Variants in UNC80 observed in about 807,000 individuals in gnomAD.
UNC80 encodes protein unc-80 homolog.
A neutral mutation model predicts 384.6 loss-of-function variants in UNC80; 164 were observed. The ratio of observed to expected loss-of-function variants is 0.43; its 90% CI spans 0.38 to 0.49. The LOEUF (loss-of-function observed/expected upper bound fraction) is 0.49. UNC80 is among the 20% of genes least tolerant of loss of function. The pLI, the probability that UNC80 is intolerant of heterozygous loss-of-function variation, is 0.00. For synonymous variants in UNC80, 1,486 were observed against 1,527.8 expected (o/e 0.97, Z 0.64); for missense variants, 3,330 against 4,143.0 (o/e 0.80, Z 5.39).
rs374284064 is a variant in UNC80 at position 209,878,130 on chromosome 2, G to C, written c.3976+41G>C. The C allele has an allele frequency of 7.8e-5, 116 of 1,483,982 alleles. No homozygotes were observed. The South Asian group carries it at 1.2e-3, about 15-fold the overall frequency. The allele number at this position is 1,483,982 out of a possible 1,614,324, so 91.9% of individuals were successfully genotyped here. On this transcript the variant is annotated intron_variant, in intron 24 of 64. Coordinates refer to ENST00000673920, the MANE Select transcript of UNC80 (RefSeq NM_001371986.1). ...TTACTACAAGAACCCCTGCTTGTAAGAACCTCTGCTTTAGGAGCACTTAAT... is the reference window on the plus strand; with the variant it reads ...TTACTACAAGAACCCCTGCTTGTAACAACCTCTGCTTTAGGAGCACTTAAT...
At chr2:209,878,169 C>G (rs1182719060) in intron 24 of UNC80, 80 bp downstream of exon 24, 1 of 1,343,108 alleles carries the variant, frequency 7.4e-7, no homozygotes, top group Non-Finnish European at 9.7e-7. Context: ...TCTCTTTTCT[C>G]CTTCATATTC....
rs1038614061 is a variant in UNC80, at chr2:209,996,210, T to C, written c.*615T>C. On this transcript the variant is annotated 3_prime_UTR_variant, in exon 65 of 65. Transcript: ENST00000673920. ...CTTTTAGATATTTATTTTTCAACTA[T>C]CATTTTCATTGCATGTTGTAAATCA... The C allele has an allele frequency of 2.0e-5, 3 of 152,256 alleles. No individual in the cohort carries two copies. The highest frequency in any genetic ancestry group is 7.2e-5 in the African/African-American group (3 of 41,464). 9.4% of individuals were successfully genotyped at this position (152,256 alleles called of 1,614,324 possible). A position where few individuals can be genotyped will look rare whatever the true frequency, so the allele number is the denominator to read the frequency against.
rs140245509 is a variant in UNC80, at chr2:209,930,592, A to T, written c.5908-376A>T. Among the ~76,000 whole-genome samples, 438 of 152,306 alleles carry T rather than the reference A, an allele frequency of 2.9e-3. 1 individual carries two copies. Among genetic ancestry groups the T allele is most frequent in the African/African-American group, 0.01 (420 of 41,574 alleles). The stretch of plus-strand genomic sequence containing the variant: ...ACATTCACAAAAACATGGTTTGTTT[A>T]ATGATTTTTCAACATAGGTCCTCCT... On this transcript the variant is annotated intron_variant, in intron 37 of 64. Transcript: ENST00000673920.
At chr2:209,993,997 A>G (rs1403344538) in intron 63 of UNC80, 68 bp from the exon 64 acceptor site, 10 of 1,354,006 alleles carry the variant, frequency 7.4e-6, no homozygotes, top group South Asian at 1.5e-5. Flanking sequence ...GTTAATACCA[A>G]CTATTAAGCA....
At chr2:209,777,632 A>T (rs1057419478) in intron 4 of UNC80, 73 bp downstream of exon 4, 54 of 1,487,616 alleles carry the variant, frequency 3.6e-5, no homozygotes, top group Admixed American at 4.4e-5. Flanking sequence ...TGATATTTCC[A>T]TATTTGGTTG....
intron 7 of UNC80, among the ~76,000 whole-genome samples, chr2:209,807,580 G>C (rs1054797819): frequency 1.3e-5 from 2 of 151,850 alleles, no homozygotes; most frequent in African/African-American, 4.8e-5. Context: ...AGCCAGGATG[G>C]TCTCGATCTC....
At chr2:209,888,393 T>A in intron 26 of UNC80, 133 bp downstream of exon 26, 1 of 982,060 alleles carries the variant, frequency 1.0e-6, no homozygotes, top group Non-Finnish European at 1.5e-6. Context: ...GTAGGCTTTA[T>A]GATGGAAAAT....
intron 39 of UNC80, 89 bp downstream of exon 39, chr2:209,934,094 GA>G: frequency 7.6e-7 from 1 of 1,316,512 alleles, no homozygotes; most frequent in Non-Finnish European, 1.0e-6. Flanking sequence ...TCATTCATGA[GA>G]AAATTTTCAG....
At chr2:209,939,355 C>T in intron 42 of UNC80, 117 bp from the exon 43 acceptor site, 1 of 1,100,438 alleles carries the variant, frequency 9.1e-7, no homozygotes, top group African/African-American at 1.6e-5. Context: ...ACTTTTTCCC[C>T]TTTTCCGACT....
intron 8 of UNC80, among the ~76,000 whole-genome samples, chr2:209,814,110 G>T (rs2079556544): frequency 6.6e-6 from 1 of 152,100 alleles, no homozygotes; most frequent in African/African-American, 2.4e-5. Context: ...GGGTCTTCTG[G>T]ATAATCAAAG....
chr2:209,880,536 A>G (rs2085195471), intron 24 of UNC80, among the ~76,000 whole-genome samples: 1 of 152,236 alleles, frequency 6.6e-6, no homozygotes, highest in Non-Finnish European at 1.5e-5. Flanking sequence ...GTTCACTGCC[A>G]TATACATAGT....
chr2:209,918,220 G>A (rs1457448989), intron 32 of UNC80, among the ~76,000 whole-genome samples: 2 of 152,024 alleles, frequency 1.3e-5, no homozygotes, highest in African/African-American at 4.8e-5. Context: ...GAAAGTCTGG[G>A]GAATTATCTT....
At chr2:209,981,260 T>C (rs2093150191) in intron 59 of UNC80, among the ~76,000 whole-genome samples, 1 of 152,256 alleles carries the variant, frequency 6.6e-6, no homozygotes, top group Non-Finnish European at 1.5e-5. Flanking sequence ...TAAAGTTAAT[T>C]TTCATATGAA....
rs1309251857 is a variant in UNC80 at position 209,941,509 on chromosome 2, C to T, written c.6915+20C>T. The stretch of plus-strand genomic sequence containing the variant: ...CTGCAGGTGCCCAGAACCTCCTCTC[C>T]CAACCAGAAAATTAACATGAGTACT... On this transcript the variant is annotated intron_variant, in intron 44 of 64. Coordinates refer to ENST00000673920, the MANE Select transcript of UNC80 (RefSeq NM_001371986.1). 13 of 1,516,534 alleles carry T rather than the reference C, an allele frequency of 8.6e-6. No individual in the cohort carries two copies. Among genetic ancestry groups the T allele is most frequent in the Non-Finnish European group, 1.2e-5 (13 of 1,122,298 alleles). The allele number at this position is 1,516,534 out of a possible 1,614,324, so 93.9% of individuals were successfully genotyped here.
chr2:209,825,955 A>T lies in UNC80; in HGVS notation c.2380A>T (p.Ile794Phe). Residue 794 changes from isoleucine (I) to phenylalanine (F), a missense_variant, in exon 14 of 65, where the codon ATC becomes TTC. Physicochemically the swap from Ile to Phe is conservative, Grantham distance 21 (BLOSUM62 0). Transcript: ENST00000673920. ...SNHRLALTML[I>F]KIVKSLGCAY... ...CCATAGGCTTGCTCTAACAATGCTC[A>T]TCAAAATAGTGAAGTCTTTGGGATG... The T allele has an allele frequency of 1.3e-6, 2 of 1,550,982 alleles. No individual in the cohort carries two copies. Among genetic ancestry groups the T allele is most frequent in the Non-Finnish European group, 1.7e-6 (2 of 1,146,504 alleles).
chr2:209,967,599 T>C lies in UNC80; in HGVS notation c.7968T>C (p.Asp2656=), dbSNP rs766198717. 7 of 1,551,612 alleles carry C rather than the reference T, an allele frequency of 4.5e-6. No individual in the cohort carries two copies. In the South Asian group the frequency reaches 8.3e-5, roughly 18 times the overall value. ...TCATCCTCATTTTAAAAAGATTGGA[T>C]AGAATGTTCAACAAAATTCATAAGA... ...PALILILKRL[D]RMFNKIHKMP... The change falls in exon 52 of 65, where the codon GAT becomes GAC. Residue 2656 remains aspartate, a synonymous_variant. Transcript: ENST00000673920.
chr2:209,841,585 C>T (rs185876604), intron 20 of UNC80, among the ~76,000 whole-genome samples: 2,034 of 152,070 alleles, frequency 0.013, 48 homozygotes, highest in African/African-American at 0.045. Flanking sequence ...CTCTTGATCT[C>T]GTGATCCACC....
chr2:209,848,268 C>G (rs1055669179), intron 21 of UNC80, among the ~76,000 whole-genome samples: 1 of 151,956 alleles, frequency 6.6e-6, no homozygotes, highest in Non-Finnish European at 1.5e-5. Context: ...AGATTCTTCT[C>G]ATGGTAGTTC....
chr2:209,839,857 T>A lies in UNC80; in HGVS notation c.3250+427T>A, dbSNP rs1026251182. Reference sequence around the variant, plus strand: ...GAGGCAGAAATCAGGGAAGGCTTCCTAGTGGTAGTGGCATTAAGATCTCCG... The same window carrying A: ...GAGGCAGAAATCAGGGAAGGCTTCCAAGTGGTAGTGGCATTAAGATCTCCG... On this transcript the variant is annotated intron_variant, in intron 19 of 64. Coordinates refer to ENST00000673920, the MANE Select transcript of UNC80 (RefSeq NM_001371986.1). The surrounding 1 kb of genome is among the most constrained non-coding windows in gnomAD (Gnocchi z 4.1). Among the ~76,000 whole-genome samples, 1 of 152,156 alleles carries A rather than the reference T, an allele frequency of 6.6e-6. No individual in the cohort carries two copies. The highest frequency in any genetic ancestry group is 2.4e-5 in the African/African-American group (1 of 41,448).
Sources: allele counts gnomAD v4.1 joint callset (sites outside exome capture counted in the v4.1 genomes callset), GRCh38; gene constraint gnomAD v4.1.1; non-coding constraint Gnocchi (gnomAD v3.1); transcripts MANE v1.5; gene names NCBI Gene and HGNC (gene_info 2026-07-23, HGNC 2026-07-21).